Variants in ROBO1 observed in about 807,000 individuals in gnomAD.
ROBO1 encodes roundabout guidance receptor 1.
A neutral mutation model predicts 195.9 loss-of-function variants in ROBO1; 149 were observed. The ratio of observed to expected loss-of-function variants is 0.76; its 90% CI spans 0.67 to 0.87. The LOEUF (loss-of-function observed/expected upper bound fraction) is 0.87, where lower values mean the gene tolerates loss of function less well. ROBO1 is among the 40% of genes least tolerant of loss of function. ROBO1 has a pLI of 0.00. For synonymous variants in ROBO1, 816 were observed against 733.2 expected (o/e 1.11, Z -1.82); for missense variants, 1,933 against 2,068.3 (o/e 0.93, Z 1.27).
intron 18 of ROBO1, among the ~76,000 whole-genome samples, chr3:78,655,634 T>TAA (rs1706960595): frequency 6.6e-6 from 1 of 152,174 alleles, no homozygotes; most frequent in East Asian, 1.9e-4. Context: ...GGAACATCAA[T>TAA]AATATTCTTC....
rs1389324568 is a variant in ROBO1 at position 79,556,657 on chromosome 3, C to T, written c.88+33167G>A. On this transcript the variant is annotated intron_variant, in intron 2 of 30. Coordinates refer to ENST00000464233, the MANE Select transcript of ROBO1 (RefSeq NM_002941.4). Reference sequence around the variant, plus strand: ...ATTATATTGTATATATGTATGTATGCACATATATTTATATGTACTCATGTT... The same window carrying T: ...ATTATATTGTATATATGTATGTATGTACATATATTTATATGTACTCATGTT... Among the ~76,000 whole-genome samples, 4 of 151,768 alleles carry T rather than the reference C, an allele frequency of 2.6e-5. 1 individual carries two copies. The highest frequency in any genetic ancestry group is 4.2e-4 in the South Asian group (2 of 4,816).
chr3:79,266,519 A>C (rs1223207912), intron 2 of ROBO1, among the ~76,000 whole-genome samples: 3 of 151,696 alleles, frequency 2.0e-5, no homozygotes, highest in African/African-American at 7.2e-5. Flanking sequence ...CTGCTTCAAG[A>C]ATCCCAAACA....
chr3:78,863,423 A>C (rs992142012), intron 4 of ROBO1, among the ~76,000 whole-genome samples: 4 of 151,964 alleles, frequency 2.6e-5, no homozygotes, highest in Admixed American at 6.6e-5. Context: ...GCCAGGGGGG[A>C]AATGTGCAAA....
chr3:79,387,842 T>C (rs1306650404), intron 2 of ROBO1, among the ~76,000 whole-genome samples: 1 of 151,992 alleles, frequency 6.6e-6, no homozygotes, highest in Non-Finnish European at 1.5e-5. Context: ...AAAATTAGAG[T>C]AGGATAATGG....
chr3:79,717,055 T>A (rs543718535), intron 1 of ROBO1, among the ~76,000 whole-genome samples: 1 of 152,074 alleles, frequency 6.6e-6, no homozygotes, highest in African/African-American at 2.4e-5. Flanking sequence ...GAATGACAAC[T>A]AATAACAAAG....
chr3:78,605,172 G>T (rs538627312), intron 29 of ROBO1, among the ~76,000 whole-genome samples: 2 of 152,246 alleles, frequency 1.3e-5, no homozygotes, highest in Admixed American at 1.3e-4. Flanking sequence ...CACCACTGTG[G>T]TATTTTATAT....
intron 2 of ROBO1, among the ~76,000 whole-genome samples, chr3:79,393,524 C>T (rs1046132621): frequency 2.6e-5 from 4 of 152,126 alleles, no homozygotes; most frequent in Admixed American, 1.3e-4. Flanking sequence ...TCAGCTTCTA[C>T]CTCTGATTCC....
intron 2 of ROBO1, among the ~76,000 whole-genome samples, chr3:79,274,281 T>C (rs759215713): frequency 5.9e-5 from 9 of 151,616 alleles, no homozygotes; most frequent in Admixed American, 2.6e-4. Flanking sequence ...TTTTTTTAAA[T>C]TGAAGCTATG....
intron 22 of ROBO1, among the ~76,000 whole-genome samples, chr3:78,636,808 A>G (rs921733306): frequency 6.6e-6 from 1 of 151,062 alleles, no homozygotes; most frequent in Non-Finnish European, 1.5e-5. Flanking sequence ...TAACCTGGGT[A>G]ATTGAATCAA....
chr3:78,789,753 C>G (rs184853966), intron 4 of ROBO1, among the ~76,000 whole-genome samples: 71 of 152,256 alleles, frequency 4.7e-4, no homozygotes, highest in Non-Finnish European at 1.0e-3. Flanking sequence ...TCTTCTTGAT[C>G]TCACAGGGAC....
chr3:79,301,055 G>C (rs746780623), intron 2 of ROBO1, among the ~76,000 whole-genome samples: 5 of 152,018 alleles, frequency 3.3e-5, no homozygotes, highest in Non-Finnish European at 7.4e-5. Flanking sequence ...CAACCCTCTC[G>C]GGTCACCTTC....
chr3:78,713,141 T>C (rs974510825), intron 8 of ROBO1, among the ~76,000 whole-genome samples: 2 of 152,172 alleles, frequency 1.3e-5, no homozygotes, highest in Admixed American at 6.5e-5. Flanking sequence ...GATTAAAGAG[T>C]AGTCTTGGCC....
intron 1 of ROBO1, among the ~76,000 whole-genome samples, chr3:79,745,665 T>C (rs965734239): frequency 4.6e-5 from 7 of 152,296 alleles, no homozygotes; most frequent in South Asian, 2.1e-4. Flanking sequence ...GTCATTATCA[T>C]GTAAAAAGAG....
chr3:79,198,952 T>A (rs2081702287), intron 2 of ROBO1, among the ~76,000 whole-genome samples: 1 of 152,044 alleles, frequency 6.6e-6, no homozygotes, highest in Admixed American at 6.6e-5. Context: ...GTTTTCTAAG[T>A]ATACAATCAA....
chr3:78,843,342 A>C (rs918562851), intron 4 of ROBO1, among the ~76,000 whole-genome samples: 10 of 152,114 alleles, frequency 6.6e-5, no homozygotes, highest in African/African-American at 2.4e-4. Context: ...TTAATAAGGC[A>C]GAATTTAAAG....
chr3:79,270,334 C>A (rs2030429820), intron 2 of ROBO1, among the ~76,000 whole-genome samples: 1 of 151,536 alleles, frequency 6.6e-6, no homozygotes, highest in South Asian at 2.1e-4. Context: ...ATGGCATGAT[C>A]TTACTGCTTT....
intron 3 of ROBO1, among the ~76,000 whole-genome samples, chr3:78,978,763 G>A (rs1003906093): frequency 2.0e-5 from 3 of 152,078 alleles, no homozygotes; most frequent in Non-Finnish European, 4.4e-5. Flanking sequence ...ATAGATCTTC[G>A]CTCTCAATAA....
At chr3:79,297,397 A>T (rs762900287) in intron 2 of ROBO1, among the ~76,000 whole-genome samples, 1 of 152,108 alleles carries the variant, frequency 6.6e-6, no homozygotes, top group East Asian at 1.9e-4. Flanking sequence ...TAACTGTTTG[A>T]CTTTTGCAAA....
At chr3:78,821,695 G>A (rs2030981437) in intron 4 of ROBO1, among the ~76,000 whole-genome samples, 1 of 152,114 alleles carries the variant, frequency 6.6e-6, no homozygotes, top group Non-Finnish European at 1.5e-5. Flanking sequence ...AACAGCACAT[G>A]AGTATTTGGA....
Sources: allele counts gnomAD v4.1 joint callset (sites outside exome capture counted in the v4.1 genomes callset), GRCh38; gene constraint gnomAD v4.1.1; transcripts MANE v1.5; gene names NCBI Gene and HGNC (gene_info 2026-07-23, HGNC 2026-07-21).